The following CLIC6 variants were observed in gnomAD, a reference collection of about 807,000 sequenced individuals.
CLIC6 encodes CLIC family member 6.
CLIC6 carries 39 observed loss-of-function variants against 49.2 expected under a neutral mutation model. That is an observed-to-expected ratio of 0.79 (90% CI 0.61 to 1.04). The LOEUF (loss-of-function observed/expected upper bound fraction) is 1.04, where lower values mean the gene tolerates loss of function less well. Among genes scored for constraint, CLIC6 ranks in the 50% least tolerant of loss-of-function variants. The pLI is 0.00. For missense variants in CLIC6, 988 were observed against 993.1 expected (o/e 0.99, Z 0.07); for synonymous variants, 446 against 433.4 (o/e 1.03, Z -0.36).
Position 34,716,513 on chromosome 21 carries a change from T to C in CLIC6, c.*31T>C, listed in dbSNP as rs1229060734. On this transcript the variant is annotated 3_prime_UTR_variant, in exon 6 of 6. Coordinates refer to ENST00000349499, the MANE Select transcript of CLIC6 (RefSeq NM_053277.3). ...GGCTGTTTTCTGTCTTATTTCTCAG[T>C]TGAGTGAGCAAGGATACGAAAACAG... The C allele has an allele frequency of 1.9e-6, 3 of 1,577,270 alleles. No homozygotes were observed. Among genetic ancestry groups the C allele is most frequent in the Admixed American group, 1.8e-5 (1 of 55,788 alleles).
intron 5 of CLIC6, among the ~76,000 whole-genome samples, chr21:34,712,485 T>C (rs2145821477): frequency 1.3e-5 from 2 of 152,258 alleles, no homozygotes; most frequent in African/African-American, 4.8e-5. Context: ...AACACAGTCC[T>C]GAAATACCCA....
intron 1 of CLIC6, among the ~76,000 whole-genome samples, chr21:34,683,487 G>T (rs1215507493): frequency 6.6e-6 from 1 of 152,198 alleles, no homozygotes; most frequent in Non-Finnish European, 1.5e-5. Flanking sequence ...AATTGTGGAG[G>T]ACAATGAAGC....
At position 34,716,361 on chromosome 21, in the gene CLIC6, A is replaced by T; in HGVS notation, c.1940A>T (p.Glu647Val). The T allele has an allele frequency of 6.2e-7, 1 of 1,613,710 alleles. No individual in the cohort carries two copies. The highest frequency in any genetic ancestry group is 8.5e-7 in the Non-Finnish European group (1 of 1,179,884). ...TACAGAGATTTTGAATTTCCTTCTG[A>T]AATGACTGGCATCTGGAGATACTTG... Reference protein sequence around the residue: ...KKYRDFEFPSEMTGIWRYLNN... With the variant: ...KKYRDFEFPSVMTGIWRYLNN... Residue 647 changes from glutamate (E) to valine (V), a missense_variant, in exon 6 of 6, where the codon GAA becomes GTA. Coordinates refer to ENST00000349499, the MANE Select transcript of CLIC6 (RefSeq NM_053277.3).
intron 1 of CLIC6, among the ~76,000 whole-genome samples, chr21:34,681,517 T>C (rs1320599309): frequency 2.6e-5 from 4 of 152,192 alleles, no homozygotes; most frequent in Admixed American, 1.3e-4. Flanking sequence ...GAAGGATTGA[T>C]TGGGGCTAGG....
At chr21:34,688,648 G>T (rs1989929480) in intron 1 of CLIC6, among the ~76,000 whole-genome samples, 1 of 152,220 alleles carries the variant, frequency 6.6e-6, no homozygotes, top group African/African-American at 2.4e-5. Context: ...AGACTGTAGA[G>T]GAAGAAGGGA....
chr21:34,700,139 G>A (rs1036150586), intron 1 of CLIC6, among the ~76,000 whole-genome samples: 2 of 152,146 alleles, frequency 1.3e-5, no homozygotes, highest in Non-Finnish European at 2.9e-5. Flanking sequence ...ACCGGTGTCA[G>A]CTTCCAGCTT....
intron 1 of CLIC6, among the ~76,000 whole-genome samples, chr21:34,690,603 C>T (rs1478235315): frequency 6.6e-6 from 1 of 152,132 alleles, no homozygotes; most frequent in African/African-American, 2.4e-5. Flanking sequence ...GATGAAGTGA[C>T]TCATTACCCT....
intron 1 of CLIC6, among the ~76,000 whole-genome samples, chr21:34,675,864 C>G (rs1989659705): frequency 6.6e-6 from 1 of 152,210 alleles, no homozygotes. Context: ...TGTCCCAGCC[C>G]AGTGTCCCTT....
chr21:34,683,708 C>T (rs1234237356), intron 1 of CLIC6, among the ~76,000 whole-genome samples: 1 of 152,180 alleles, frequency 6.6e-6, no homozygotes, highest in Non-Finnish European at 1.5e-5. Flanking sequence ...TGGCACTCTC[C>T]CCTATCCCCA....
intron 5 of CLIC6, among the ~76,000 whole-genome samples, chr21:34,711,804 C>T (rs2145821107): frequency 6.6e-6 from 1 of 152,258 alleles, no homozygotes; most frequent in South Asian, 2.1e-4. Context: ...GGGCAGATGT[C>T]TTTTCAATAG....
At position 34,696,792 on chromosome 21, in the gene CLIC6, G is replaced by T. The variant is rs183915864; in HGVS notation, c.1375-10488G>T. Among the ~76,000 whole-genome samples, 6 of 152,158 alleles carry T rather than the reference G, an allele frequency of 3.9e-5. No individual in the cohort carries two copies. In the East Asian group the frequency reaches 9.6e-4, roughly 24 times the overall value. Reference sequence around the variant, plus strand: ...ATCACATTTGTAAAAGACAGAACTGGAATCTGCGATCTTCTTAAGGCCTCA... The same window carrying T: ...ATCACATTTGTAAAAGACAGAACTGTAATCTGCGATCTTCTTAAGGCCTCA... On this transcript the variant is annotated intron_variant, in intron 1 of 5. Coordinates refer to ENST00000349499, the MANE Select transcript of CLIC6 (RefSeq NM_053277.3).
At chr21:34,676,125 G>A (rs1196906448) in intron 1 of CLIC6, among the ~76,000 whole-genome samples, 1 of 152,146 alleles carries the variant, frequency 6.6e-6, no homozygotes, top group African/African-American at 2.4e-5. Flanking sequence ...TTGTCGGGCC[G>A]ACTCAGATAT....
At position 34,710,167 on chromosome 21, in the gene CLIC6, A is replaced by G. The variant is rs1266855766; in HGVS notation, c.1899+629A>G. Reference sequence around the variant, plus strand: ...GTGGTGTGTGCCTGTAGTCCCAGCCACATGGGAGGCTGAAGCTGGAGGATC... The same window carrying G: ...GTGGTGTGTGCCTGTAGTCCCAGCCGCATGGGAGGCTGAAGCTGGAGGATC... On this transcript the variant is annotated intron_variant, in intron 5 of 5. Transcript: ENST00000349499. Among the ~76,000 whole-genome samples, 3 of 152,128 alleles carry G rather than the reference A, an allele frequency of 2.0e-5. No individual in the cohort carries two copies. The East Asian group carries it at 5.8e-4, about 29-fold the overall frequency.
chr21:34,707,437 GCACA>G (rs10657933), intron 2 of CLIC6, 48 bp downstream of exon 2: 1,524 of 732,148 alleles, frequency 2.1e-3, no homozygotes, highest in South Asian at 2.9e-3. Context: ...CTAGTTCTCT[GCACA>G]CACACACACA....
At chr21:34,678,258 C>A (rs111603386) in intron 1 of CLIC6, among the ~76,000 whole-genome samples, 52 of 149,092 alleles carry the variant, frequency 3.5e-4, no homozygotes, top group African/African-American at 1.2e-3. Flanking sequence ...GGTGCAACCC[C>A]GTCTCTACTA....
chr21:34,671,132 AAAAAAAAAAAG>A (rs1238746261), intron 1 of CLIC6, among the ~76,000 whole-genome samples: 4 of 106,614 alleles, frequency 3.8e-5, no homozygotes, highest in South Asian at 3.5e-4. Context: ...AAAAAAAAAA[AAAAAAAAAAAG>A]AAGAAGAAGA....
At position 34,671,561 on chromosome 21, in the gene CLIC6, G is replaced by A. The variant is rs369951597; in HGVS notation, c.1374+799G>A. 3.3e-3 allele frequency among the ~76,000 whole-genome samples: 508 copies of A among 152,264 alleles called. 4 individuals carry two copies. The Middle Eastern group carries it at 0.034, about 10-fold the overall frequency. On this transcript the variant is annotated intron_variant, in intron 1 of 5. Coordinates refer to ENST00000349499, the MANE Select transcript of CLIC6 (RefSeq NM_053277.3). ...AATTTAAACAGGAATTATTTACAAG[G>A]CATGAAAAATGAAAGAACAAAGCTC...
intron 5 of CLIC6, among the ~76,000 whole-genome samples, chr21:34,713,674 GA>G (rs949321666): frequency 1.5e-4 from 23 of 149,050 alleles, no homozygotes; most frequent in African/African-American, 4.7e-4. Context: ...AAAAGGAAAG[GA>G]AAAAAAAATA....
intron 1 of CLIC6, among the ~76,000 whole-genome samples, chr21:34,699,671 G>A (rs980202042): frequency 1.3e-5 from 2 of 152,102 alleles, no homozygotes; most frequent in Non-Finnish European, 2.9e-5. Context: ...CCTGCATCTT[G>A]TTATTGAAGC....
Sources: gnomAD v4.1 joint callset for allele counts (sites outside exome capture counted in the v4.1 genomes callset) on GRCh38, gnomAD v4.1.1 for gene constraint, MANE v1.5 for transcripts, NCBI Gene and HGNC (gene_info 2026-07-23, HGNC 2026-07-21) for gene names.